The following PI4K2A variants were observed in gnomAD, a reference collection of about 807,000 sequenced individuals.
The protein encoded by PI4K2A is phosphatidylinositol 4-kinase type 2-alpha.
PI4K2A carries 20 observed loss-of-function variants against 55.0 expected under a neutral mutation model. The ratio of observed to expected loss-of-function variants is 0.36; its 90% confidence interval spans 0.26 to 0.53. The LOEUF is 0.53. Among genes scored for constraint, PI4K2A ranks in the 20% least tolerant of loss-of-function variants. PI4K2A has a pLI of 0.91. For synonymous variants in PI4K2A, 235 were observed against 258.5 expected, an observed-to-expected ratio of 0.91 and a Z score of 0.87; for missense variants, 463 against 637.1, an observed-to-expected ratio of 0.73 and a Z score of 2.94.
chr10:97,673,224 C>G (rs1196017952), intron 8 of PI4K2A, among the ~76,000 whole-genome samples: 1 of 152,042 alleles, frequency 6.6e-6, no homozygotes, highest in Non-Finnish European at 1.5e-5. Flanking sequence ...CTCCTGACCT[C>G]AAGTGATCTA....
chr10:97,657,009 A>G (rs746268933), intron 4 of PI4K2A, 35 bp downstream of exon 4: 2 of 1,612,280 alleles, frequency 1.2e-6, no homozygotes, highest in Non-Finnish European at 1.7e-6. Flanking sequence ...GCCCTGTGCC[A>G]GACTGTGTTG....
At chr10:97,662,676 C>T (rs932664866) in intron 4 of PI4K2A, among the ~76,000 whole-genome samples, 1 of 152,196 alleles carries the variant, frequency 6.6e-6, no homozygotes, top group Non-Finnish European at 1.5e-5. Context: ...CAGTGCTGGG[C>T]TCCACGTCCT....
chr10:97,665,240 C>A (rs935754336), intron 6 of PI4K2A, among the ~76,000 whole-genome samples: 1 of 151,932 alleles, frequency 6.6e-6, no homozygotes, highest in African/African-American at 2.4e-5. Flanking sequence ...GATGAGTTTT[C>A]TCATTGTCTC....
rs758500705 is a variant in PI4K2A, at chr10:97,667,162, G to C, written c.1278+42G>C. The C allele has an allele frequency of 8.3e-6, 12 of 1,450,350 alleles. No individual in the cohort carries two copies. In the South Asian group the frequency reaches 1.3e-4, roughly 15 times the overall value. The allele number at this position is 1,450,350 out of a possible 1,614,324, so 89.8% of individuals were successfully genotyped here. The stretch of plus-strand genomic sequence containing the variant: ...CTCCCAGTATCTTTGGCGTCTCTGG[G>C]AGTGTTGTGTGCTCAGGTTGAGCAA... On this transcript the variant is annotated intron_variant, in intron 8 of 8. Transcript: ENST00000370631.
intron 2 of PI4K2A, among the ~76,000 whole-genome samples, chr10:97,655,332 T>G (rs2041547785): frequency 7.1e-6 from 1 of 140,656 alleles, no homozygotes; most frequent in African/African-American, 2.7e-5. Flanking sequence ...ACTGTGCCAC[T>G]GCACTCCAGC....
exon 9 of PI4K2A, chr10:97,674,038 C>T: frequency 3.0e-6 from 1 of 336,748 alleles, no homozygotes; most frequent in Middle Eastern, 8.1e-4. Flanking sequence ...ACAGTCCCTT[C>T]CTTCCCTGAA....
At chr10:97,655,390 A>AAT (rs762558597) in intron 2 of PI4K2A, among the ~76,000 whole-genome samples, 12,272 of 139,778 alleles carry the variant, frequency 0.088, 680 homozygotes, top group Non-Finnish European at 0.12. Flanking sequence ...AAAAAAAAAA[A>AAT]TTTTTTTTCA....
chr10:97,648,288 C>T (rs529158511), intron 1 of PI4K2A, among the ~76,000 whole-genome samples: 17 of 152,062 alleles, frequency 1.1e-4, no homozygotes, highest in Admixed American at 3.3e-4. Context: ...GATGGGGTTT[C>T]TCCATGTTGG....
At chr10:97,648,326 A>G (rs996621109) in intron 1 of PI4K2A, among the ~76,000 whole-genome samples, 6 of 152,022 alleles carry the variant, frequency 3.9e-5, no homozygotes, top group Admixed American at 3.9e-4. Flanking sequence ...TCCTGACCTC[A>G]GGTGATCCAC....
At chr10:97,645,776 TG>T (rs561448200) in intron 1 of PI4K2A, among the ~76,000 whole-genome samples, 11 of 151,840 alleles carry the variant, frequency 7.2e-5, no homozygotes, top group African/African-American at 2.4e-4. Context: ...TGGAGTGCAG[TG>T]GCACAACCTT....
chr10:97,646,109 G>C (rs1379124221), intron 1 of PI4K2A, among the ~76,000 whole-genome samples: 2 of 152,054 alleles, frequency 1.3e-5, no homozygotes, highest in Non-Finnish European at 2.9e-5. Context: ...GGAGTGGAGA[G>C]TGGAGATTTC....
chr10:97,661,105 C>T (rs1305716250), intron 4 of PI4K2A, among the ~76,000 whole-genome samples: 3 of 152,120 alleles, frequency 2.0e-5, no homozygotes, highest in African/African-American at 7.2e-5. Flanking sequence ...CATTCTCCTG[C>T]CTCAGCCTCC....
chr10:97,640,971 G>A, exon 1 of PI4K2A: 1 of 1,523,676 alleles, frequency 6.6e-7, no homozygotes. Context: ...GACCCAAACC[G>A]TGGCGGCGCA....
intron 1 of PI4K2A, among the ~76,000 whole-genome samples, chr10:97,646,464 G>A (rs1286129810): frequency 2.0e-5 from 3 of 151,976 alleles, no homozygotes; most frequent in South Asian, 2.1e-4. Context: ...TGATCCACCC[G>A]CTTTGGCCTC....
intron 1 of PI4K2A, among the ~76,000 whole-genome samples, chr10:97,644,960 G>A (rs185123456): frequency 6.6e-6 from 1 of 152,190 alleles, no homozygotes; most frequent in East Asian, 1.9e-4. Flanking sequence ...ATTTTGGATG[G>A]TTTCTGTCTC....
intron 6 of PI4K2A, among the ~76,000 whole-genome samples, chr10:97,665,534 A>T (rs1202306294): frequency 6.6e-6 from 1 of 152,150 alleles, no homozygotes; most frequent in Non-Finnish European, 1.5e-5. Flanking sequence ...TCAGCCTCCC[A>T]AAATGCTGGG....
chr10:97,652,721 G>A (rs562715742), intron 2 of PI4K2A, among the ~76,000 whole-genome samples: 127 of 152,278 alleles, frequency 8.3e-4, no homozygotes, highest in African/African-American at 2.8e-3. Flanking sequence ...AACCATGTCT[G>A]CTCCTTTGCT....
chr10:97,661,946 C>T (rs112230389), intron 4 of PI4K2A, among the ~76,000 whole-genome samples: 4,451 of 150,572 alleles, frequency 0.03, 238 homozygotes, highest in African/African-American at 0.1. Flanking sequence ...GCCTCCAACA[C>T]TTGGCTCAAG....
At chr10:97,650,964 C>T (rs2041527738) in exon 2 of PI4K2A, 1 of 1,613,616 alleles carries the variant, frequency 6.2e-7, no homozygotes, top group African/African-American at 1.3e-5. Context: ...TCTTCAAACC[C>T]AAGAATGAAG....
Sources: allele counts gnomAD v4.1 joint callset (sites outside exome capture counted in the v4.1 genomes callset), GRCh38; gene constraint gnomAD v4.1.1; transcripts MANE v1.5; gene names NCBI Gene and HGNC (gene_info 2026-07-23, HGNC 2026-07-21).